Variants in ADAMTS18 observed in about 807,000 individuals in gnomAD.
ADAMTS18 encodes the protein ADAM metallopeptidase with thrombospondin type 1 motif 18, also known as A disintegrin and metalloproteinase with thrombospondin motifs 18.
A neutral mutation model predicts 165.9 loss-of-function variants in ADAMTS18; 157 were observed. That is an observed-to-expected ratio of 0.95 (90% CI 0.83 to 1.08). ADAMTS18 has a LOEUF of 1.08. Among genes scored for constraint, ADAMTS18 ranks in the 50% least tolerant of loss-of-function variants. The pLI, the probability that ADAMTS18 is intolerant of heterozygous loss-of-function variation, is 0.00. For missense variants in ADAMTS18, 2,040 were observed against 1,534.0 expected, an observed-to-expected ratio of 1.33 and a Z score of -5.51; for synonymous variants, 782 against 578.2, an observed-to-expected ratio of 1.35 and a Z score of -5.06.
At chr16:77,318,017 C>G (rs2055918880) in intron 16 of ADAMTS18, among the ~76,000 whole-genome samples, 1 of 152,066 alleles carries the variant, frequency 6.6e-6, no homozygotes, top group Non-Finnish European at 1.5e-5. Flanking sequence ...TTCCTCAGCA[C>G]CAAGAACACA....
At chr16:77,350,577 C>T (rs556062919) in intron 10 of ADAMTS18, among the ~76,000 whole-genome samples, 6 of 152,242 alleles carry the variant, frequency 3.9e-5, no homozygotes, top group South Asian at 4.1e-4. Flanking sequence ...TAGGAAATCT[C>T]GGAACAAAAT....
chr16:77,379,267 G>T (rs1241852673), intron 3 of ADAMTS18, among the ~76,000 whole-genome samples: 1 of 152,150 alleles, frequency 6.6e-6, no homozygotes, highest in Non-Finnish European at 1.5e-5. Context: ...CCATTCTGAA[G>T]GCTCAATCTC....
At chr16:77,385,241 C>A (rs2057090396) in intron 3 of ADAMTS18, among the ~76,000 whole-genome samples, 1 of 152,076 alleles carries the variant, frequency 6.6e-6, no homozygotes, top group Non-Finnish European at 1.5e-5. Flanking sequence ...GATTAGTATC[C>A]CTTGTCATCG....
At chr16:77,361,826 G>C (rs2056718686) in intron 7 of ADAMTS18, among the ~76,000 whole-genome samples, 1 of 152,122 alleles carries the variant, frequency 6.6e-6, no homozygotes, top group Non-Finnish European at 1.5e-5. Context: ...GGAGGTTGTA[G>C]TGAACCGAGA....
chr16:77,345,511 C>A (rs745343102), intron 10 of ADAMTS18, among the ~76,000 whole-genome samples: 4 of 152,316 alleles, frequency 2.6e-5, no homozygotes, highest in Admixed American at 1.3e-4. Context: ...TTCCAAGCCA[C>A]CCGACATGGA....
At chr16:77,433,691 A>G (rs1426044766) in intron 2 of ADAMTS18, among the ~76,000 whole-genome samples, 1 of 152,202 alleles carries the variant, frequency 6.6e-6, no homozygotes, top group Non-Finnish European at 1.5e-5. Flanking sequence ...ATTCTAAAGA[A>G]TCCAGGTTGA....
At chr16:77,413,624 T>A (rs2144833547) in intron 3 of ADAMTS18, among the ~76,000 whole-genome samples, 1 of 152,304 alleles carries the variant, frequency 6.6e-6, no homozygotes, top group South Asian at 2.1e-4. Context: ...GGGTTTTAAT[T>A]TCCTGACCAT....
chr16:77,298,725 G>C (rs916221460), intron 17 of ADAMTS18, among the ~76,000 whole-genome samples: 1 of 152,144 alleles, frequency 6.6e-6, no homozygotes, highest in East Asian at 1.9e-4. Flanking sequence ...CCCAGAGGTC[G>C]AGGCAGCAGT....
intron 8 of ADAMTS18, 110 bp from the exon 9 acceptor site, chr16:77,356,187 C>CA (rs2056627878): frequency 2.1e-6 from 3 of 1,421,818 alleles, no homozygotes; most frequent in Non-Finnish European, 3.0e-6. Flanking sequence ...AAGTGAGAGA[C>CA]AGAGTTATTA....
At position 77,431,607 on chromosome 16, in the gene ADAMTS18, G is replaced by A. The variant is rs778478436; in HGVS notation, c.183C>T (p.Tyr61=). 2.5e-5 allele frequency: 40 copies of A among 1,613,674 alleles called. No individual in the cohort carries two copies. The highest frequency in any genetic ancestry group is 1.1e-4 in the South Asian group (10 of 91,070). ...SSGASGLNDD[Y]VFVTPVEVDS... ...CTACTTCTACTGGCGTGACAAAGACGTAATCTGCAATGGGAAAAGTTCAGC... is the reference window on the plus strand; with the variant it reads ...CTACTTCTACTGGCGTGACAAAGACATAATCTGCAATGGGAAAAGTTCAGC... The change falls in exon 3 of 23, where the codon TAC becomes TAT. Residue 61 remains tyrosine, a synonymous_variant. Coordinates refer to ENST00000282849, the MANE Select transcript of ADAMTS18 (RefSeq NM_199355.4).
chr16:77,291,572 G>C, intron 20 of ADAMTS18, 94 bp from the exon 21 acceptor site: 1 of 1,213,808 alleles, frequency 8.2e-7, no homozygotes, highest in Non-Finnish European at 1.2e-6. Context: ...CCATCCACAT[G>C]AAATAGGAGG....
intron 10 of ADAMTS18, among the ~76,000 whole-genome samples, chr16:77,351,185 G>A (rs1016746129): frequency 1.3e-5 from 2 of 152,146 alleles, no homozygotes; most frequent in Admixed American, 6.5e-5. Flanking sequence ...AAAAGCTAAG[G>A]TGTGGGGAAA....
At chr16:77,415,139 C>A (rs1043635623) in intron 3 of ADAMTS18, among the ~76,000 whole-genome samples, 7 of 152,190 alleles carry the variant, frequency 4.6e-5, no homozygotes, top group Non-Finnish European at 1.0e-4. Flanking sequence ...GGGCACTGCA[C>A]CCAATAAATG....
intron 2 of ADAMTS18, chr16:77,432,313 G>A (rs2057749455): frequency 6.6e-6 from 1 of 152,524 alleles, no homozygotes. Flanking sequence ...CCTCAAAATT[G>A]TCAGAACCCT....
In ADAMTS18 at chr16:77,434,068, C is replaced by T. The variant is rs559919925; in HGVS notation, c.178+350G>A. ...TCTCCCACTAAGAATTAGCTTCCCC[C>T]AACAAGAGTTAGGAGAGGGAGGAAA... On this transcript the variant is annotated intron_variant, in intron 2 of 22. Coordinates refer to ENST00000282849, the MANE Select transcript of ADAMTS18 (RefSeq NM_199355.4). Among the ~76,000 whole-genome samples the T allele has an allele frequency of 7.9e-4, 120 of 152,182 alleles. 2 individuals carry two copies. The highest frequency in any genetic ancestry group is 2.7e-3 in the African/African-American group (113 of 41,512).
At chr16:77,284,484 G>T (rs1202958719) in intron 22 of ADAMTS18, among the ~76,000 whole-genome samples, 1 of 152,008 alleles carries the variant, frequency 6.6e-6, no homozygotes, top group Non-Finnish European at 1.5e-5. Flanking sequence ...TTTTCTTAAG[G>T]TGAGGGCCTA....
At chr16:77,393,152 A>G (rs2057211972) in intron 3 of ADAMTS18, among the ~76,000 whole-genome samples, 1 of 152,202 alleles carries the variant, frequency 6.6e-6, no homozygotes, top group Admixed American at 6.5e-5. Flanking sequence ...TGGAGGTGAA[A>G]ACAGATGTCC....
rs1457528651 is a variant in ADAMTS18, at chr16:77,282,843, T to C, written c.*1113A>G. On this transcript the variant is annotated 3_prime_UTR_variant, in exon 23 of 23. Coordinates refer to ENST00000282849, the MANE Select transcript of ADAMTS18 (RefSeq NM_199355.4). Reference sequence around the variant, plus strand: ...GTCTTGTCATATTATGATTTATTAATATTAACATAGCAAGAAGACAGATGG... The same window carrying C: ...GTCTTGTCATATTATGATTTATTAACATTAACATAGCAAGAAGACAGATGG... 2 of 152,064 alleles carry C rather than the reference T, an allele frequency of 1.3e-5. No homozygotes were observed. Among genetic ancestry groups the C allele is most frequent in the Non-Finnish European group, 2.9e-5 (2 of 67,930 alleles). The allele number at this position is 152,064 out of a possible 1,614,324, so 9.4% of individuals were successfully genotyped here. A position where few individuals can be genotyped will look rare whatever the true frequency, so the allele number is the denominator to read the frequency against.
chr16:77,376,691 C>A (rs922110499), intron 3 of ADAMTS18, among the ~76,000 whole-genome samples: 2 of 151,882 alleles, frequency 1.3e-5, no homozygotes, highest in East Asian at 3.8e-4. Flanking sequence ...TGATTCTGAC[C>A]CAGAGTCAAT....
Sources: gnomAD v4.1 joint callset for allele counts (sites outside exome capture counted in the v4.1 genomes callset) on GRCh38, gnomAD v4.1.1 for gene constraint, MANE v1.5 for transcripts, NCBI Gene and HGNC (gene_info 2026-07-23, HGNC 2026-07-21) for gene names.